The following MAP4K4 variants were observed in gnomAD, a reference collection of about 807,000 sequenced individuals.
MAP4K4 encodes mitogen-activated protein kinase kinase kinase kinase 4.
Under a neutral mutation model 189.6 loss-of-function variants are expected in MAP4K4, and 38 were observed. That is an observed-to-expected ratio of 0.20 (90% CI 0.15 to 0.26). The LOEUF is 0.26. Among genes scored for constraint, MAP4K4 ranks in the 10% least tolerant of loss-of-function variants. The probability of loss-of-function intolerance (pLI) is 1.00; values close to 1 mark genes in which losing one functional copy is unlikely to be tolerated. For synonymous variants in MAP4K4, 610 were observed against 624.3 expected, an observed-to-expected ratio of 0.98 and a Z score of 0.34; for missense variants, 1,054 against 1,726.9, an observed-to-expected ratio of 0.61 and a Z score of 6.91.
rs1178541653 is a variant in MAP4K4 at position 101,820,705 on chromosome 2, A to G, written c.181-3223A>G. Among the ~76,000 whole-genome samples the G allele has an allele frequency of 2.6e-5, 4 of 152,174 alleles. 1 individual carries two copies. The South Asian group carries it at 8.3e-4, about 32-fold the overall frequency. The stretch of plus-strand genomic sequence containing the variant: ...TTTCAGGAGCCTGCCTGTCTTGACA[A>G]GCCTCACTAGGGCTGTCCCAGGCCA... On this transcript the variant is annotated intron_variant, in intron 3 of 32. Transcript: ENST00000324219.
intron 16 of MAP4K4, 98 bp downstream of exon 16, chr2:101,861,084 C>A: frequency 1.8e-6 from 2 of 1,141,760 alleles, no homozygotes; most frequent in Non-Finnish European, 2.4e-6. Flanking sequence ...TGTCACCACA[C>A]TGAAAAAGAG....
chr2:101,766,655 A>G (rs2078746995), intron 2 of MAP4K4, among the ~76,000 whole-genome samples: 1 of 151,914 alleles, frequency 6.6e-6, no homozygotes, highest in African/African-American at 2.4e-5. Flanking sequence ...CAAAAGTTAA[A>G]CACTGGATGT....
At chr2:101,746,887 A>G (rs1178600314) in intron 2 of MAP4K4, among the ~76,000 whole-genome samples, 1 of 152,056 alleles carries the variant, frequency 6.6e-6, no homozygotes, top group Non-Finnish European at 1.5e-5. Flanking sequence ...ATTGTTGCTT[A>G]AACATATAGA....
chr2:101,867,282 G>A, exon 20 of MAP4K4: 1 of 1,607,524 alleles, frequency 6.2e-7, no homozygotes, highest in Middle Eastern at 1.7e-4. Context: ...AAGATAAAAA[G>A]GAAGTTTTCA....
intron 2 of MAP4K4, among the ~76,000 whole-genome samples, chr2:101,778,858 T>A (rs887437709): frequency 6.6e-6 from 1 of 152,156 alleles, no homozygotes; most frequent in Non-Finnish European, 1.5e-5. Flanking sequence ...GGAAAAGTGC[T>A]GATCCAAATC....
chr2:101,892,722 G>C (rs2098587462), exon 33 of MAP4K4: 1 of 346,190 alleles, frequency 2.9e-6, no homozygotes, highest in Non-Finnish European at 5.8e-6. Flanking sequence ...TTTCTCACTT[G>C]CTCTCTTGTT....
chr2:101,700,813 T>C (rs2038108382), intron 2 of MAP4K4, among the ~76,000 whole-genome samples: 1 of 152,088 alleles, frequency 6.6e-6, no homozygotes, highest in South Asian at 2.1e-4. Flanking sequence ...ACAAGTTCTT[T>C]AATGTTTACA....
At chr2:101,865,624 C>CT (rs2097788295) in intron 18 of MAP4K4, among the ~76,000 whole-genome samples, 1 of 152,184 alleles carries the variant, frequency 6.6e-6, no homozygotes. Context: ...CCACATATAG[C>CT]TAGTGGCTAT....
chr2:101,884,579 C>A (rs930713945), intron 28 of MAP4K4, among the ~76,000 whole-genome samples: 2 of 152,024 alleles, frequency 1.3e-5, no homozygotes, highest in Non-Finnish European at 2.9e-5. Flanking sequence ...ACTCAAGGAC[C>A]CCTGGGAGTA....
At chr2:101,874,149 G>A (rs1423981545) in exon 26 of MAP4K4, 1 of 1,613,946 alleles carries the variant, frequency 6.2e-7, no homozygotes, top group Non-Finnish European at 8.5e-7. Flanking sequence ...AAGGCTCAGT[G>A]GTCAATGTGA....
At chr2:101,890,729 A>G (rs2098553769) in intron 32 of MAP4K4, among the ~76,000 whole-genome samples, 1 of 152,118 alleles carries the variant, frequency 6.6e-6, no homozygotes, top group South Asian at 2.1e-4. Context: ...TGCTGGGATT[A>G]CAGGCATGAG....
rs370765973 is a variant in MAP4K4, at chr2:101,882,532, T to C, written c.3386-19T>C. 6 of 1,557,108 alleles carry C rather than the reference T, an allele frequency of 3.9e-6. No homozygotes were observed. In the African/African-American group the frequency reaches 6.9e-5, roughly 18 times the overall value. ...TACTTCTGGATATGCATGTAAAATA[T>C]TTATATTTATTTTGCTAGGCAAAAA... On this transcript the variant is annotated intron_variant, in intron 27 of 32. Coordinates refer to ENST00000324219, the Ensembl canonical transcript of MAP4K4.
rs2301980 is a variant in MAP4K4 at position 101,834,269 on chromosome 2, C to A, written c.640-140C>A. 81,418 of 474,534 alleles carry A rather than the reference C, an allele frequency of 0.17. 7,127 individuals are homozygous for A. The highest frequency in any genetic ancestry group is 0.24 in the Middle Eastern group (719 of 2,988). The allele number at this position is 474,534 out of a possible 1,614,324, so 29.4% of individuals were successfully genotyped here. ...TCCCCTCCCCTCCGCTCCGTAAGTTCTACAAATGTGCTTGTACTTTTAATT... is the reference window on the plus strand; with the variant it reads ...TCCCCTCCCCTCCGCTCCGTAAGTTATACAAATGTGCTTGTACTTTTAATT... On this transcript the variant is annotated intron_variant, in intron 7 of 32. Coordinates refer to ENST00000324219, the Ensembl canonical transcript of MAP4K4.
chr2:101,891,776 AAG>A (rs2098570803), exon 33 of MAP4K4: 1 of 153,042 alleles, frequency 6.5e-6, no homozygotes, highest in African/African-American at 2.4e-5. Flanking sequence ...TATGTGGACA[AAG>A]AAGAAGATGC....
intron 18 of MAP4K4, among the ~76,000 whole-genome samples, chr2:101,865,907 C>G (rs992449188): frequency 2.6e-5 from 4 of 152,164 alleles, no homozygotes; most frequent in African/African-American, 9.7e-5. Context: ...TTAATTCTTA[C>G]CTAGCACATG....
chr2:101,848,067 A>T (rs1341891505), intron 12 of MAP4K4, among the ~76,000 whole-genome samples: 2 of 152,228 alleles, frequency 1.3e-5, no homozygotes, highest in African/African-American at 4.8e-5. Context: ...CTAGGTGTGT[A>T]ATAGGCTGTA....
At chr2:101,745,048 TAGCTAGTGTAGC>T (rs1407674138) in intron 2 of MAP4K4, among the ~76,000 whole-genome samples, 3 of 152,144 alleles carry the variant, frequency 2.0e-5, no homozygotes, top group Non-Finnish European at 4.4e-5. Flanking sequence ...ACTGGATGAG[TAGCTAGTGTAGC>T]AGATTTAAAA....
intron 2 of MAP4K4, among the ~76,000 whole-genome samples, chr2:101,775,998 C>T (rs914188374): frequency 2.6e-5 from 4 of 152,148 alleles, no homozygotes; most frequent in Admixed American, 1.3e-4. Flanking sequence ...AATGAGCTGC[C>T]TTATGCTTAA....
At chr2:101,866,349 A>T in intron 18 of MAP4K4, 79 bp from the exon 19 acceptor site, 1 of 1,398,048 alleles carries the variant, frequency 7.2e-7, no homozygotes, top group South Asian at 1.3e-5. Flanking sequence ...TTGGATGGGC[A>T]CACCATGCAC....
Sources: allele counts gnomAD v4.1 joint callset (sites outside exome capture counted in the v4.1 genomes callset), GRCh38; gene constraint gnomAD v4.1.1; transcripts MANE v1.5; gene names NCBI Gene and HGNC (gene_info 2026-07-23, HGNC 2026-07-21).